Variants in TRIP12 observed in about 807,000 individuals in gnomAD.
TRIP12 encodes E3 ubiquitin-protein ligase TRIP12.
In TRIP12, 25 loss-of-function variants were observed where a neutral mutation model predicts 244.2. The ratio of observed to expected loss-of-function variants is 0.10; its 90% CI spans 0.07 to 0.14. The LOEUF (loss-of-function observed/expected upper bound fraction) is 0.14. Ranked by LOEUF, TRIP12 falls within the 10% of genes least tolerant of loss-of-function variation. TRIP12 has a pLI of 1.00. For missense variants in TRIP12, 1,677 were observed against 2,486.4 expected (o/e 0.67, Z 6.92); for synonymous variants, 905 against 873.1 (o/e 1.04, Z -0.64).
chr2:229,798,816 T>C (rs2043462959), intron 23 of TRIP12, 59 bp downstream of exon 23: 21 of 1,573,316 alleles, frequency 1.3e-5, no homozygotes, highest in Middle Eastern at 1.7e-4. Context: ...CTGGCTGAAA[T>C]AATGTTTAAG....
At chr2:229,905,401 G>A (rs955997076) in intron 1 of TRIP12, among the ~76,000 whole-genome samples, 1 of 152,142 alleles carries the variant, frequency 6.6e-6, no homozygotes, top group Non-Finnish European at 1.5e-5. Flanking sequence ...GATATATTTT[G>A]AAAGAGTCAA....
rs200298086 is a variant in TRIP12, at chr2:229,784,530, T to G, written c.5094+1227A>C. 6.1e-5 allele frequency among the ~76,000 whole-genome samples: 3 copies of G among 49,446 alleles called. No homozygotes were observed. The Admixed American group carries it at 6.7e-4, about 11-fold the overall frequency. The allele number at this position is 49,446 out of a possible 152,430, so 32.4% of individuals were successfully genotyped here. On this transcript the variant is annotated intron_variant, in intron 34 of 41. Transcript: ENST00000675903. ...ACAAACAAGAAAAAAAAAAAAAAGA[T>G]AAATGGATTTCATCAAAACTGAAAA...
At chr2:229,786,129 A>C (rs2039919179) in intron 33 of TRIP12, among the ~76,000 whole-genome samples, 1 of 152,150 alleles carries the variant, frequency 6.6e-6, no homozygotes. Flanking sequence ...GGGGAAGAAA[A>C]AAATCGTCTT....
chr2:229,801,241 A>G (rs539715798), intron 21 of TRIP12, among the ~76,000 whole-genome samples: 3 of 152,192 alleles, frequency 2.0e-5, no homozygotes, highest in Non-Finnish European at 4.4e-5. Context: ...GGTGCCAGTT[A>G]AACTCAGCAG....
chr2:229,799,620 C>CT (rs1372234508), intron 21 of TRIP12, among the ~76,000 whole-genome samples: 1 of 151,920 alleles, frequency 6.6e-6, no homozygotes, highest in African/African-American at 2.4e-5. Flanking sequence ...ACTAAAAATA[C>CT]AAAAATTAGC....
At chr2:229,865,342 AAGAAAG>A (rs1473671969) in intron 2 of TRIP12, among the ~76,000 whole-genome samples, 4,426 of 26,412 alleles carry the variant, frequency 0.17, 135 homozygotes, top group African/African-American at 0.28. Flanking sequence ...AAAAAAAAAA[AAGAAAG>A]AAAGAAAGCA....
chr2:229,886,210 A>C (rs1333437815), intron 1 of TRIP12, among the ~76,000 whole-genome samples: 2 of 152,198 alleles, frequency 1.3e-5, no homozygotes, highest in African/African-American at 4.8e-5. Context: ...GCCATATGTC[A>C]AACCTGAAAT....
chr2:229,813,178 T>C (rs531117748), intron 13 of TRIP12, among the ~76,000 whole-genome samples: 1 of 152,324 alleles, frequency 6.6e-6, no homozygotes, highest in East Asian at 1.9e-4. Flanking sequence ...GTCTCTCTTC[T>C]GGTCTTAACC....
intron 19 of TRIP12, 99 bp downstream of exon 19, chr2:229,803,899 AT>A (rs1445604935): frequency 8.9e-7 from 1 of 1,118,894 alleles, no homozygotes; most frequent in African/African-American, 1.6e-5. Context: ...CTCCTAACAA[AT>A]TTTTGTGCAT....
chr2:229,767,704 A>G lies in TRIP12; in HGVS notation c.6054T>C (p.Phe2018=), dbSNP rs1158555117. 1.2e-6 allele frequency: 2 copies of G among 1,614,064 alleles called. No homozygotes were observed. Among genetic ancestry groups the G allele is most frequent in the Admixed American group, 3.3e-5 (2 of 59,994 alleles). The change falls in exon 42 of 42, where the codon TTT becomes TTC. Residue 2018 remains phenylalanine, a synonymous_variant. Transcript: ENST00000675903. ...NPPLTIVRKT[F]ESTENPDDFL... ...AGTCATCTGGGTTTTCTGTTGATTC[A>G]AACGTCTTTCGGACAATTGTCAAAG...
chr2:229,904,572 TATTATTAAAAC>T (rs879638473), intron 1 of TRIP12, among the ~76,000 whole-genome samples: 8 of 152,168 alleles, frequency 5.3e-5, no homozygotes, highest in Admixed American at 3.9e-4. Flanking sequence ...TATGATCTGC[TATTATTAAAAC>T]AGAGGCTAGA....
At chr2:229,773,766 T>C in intron 38 of TRIP12, 1 of 198,924 alleles carries the variant, frequency 5.0e-6, no homozygotes. Context: ...TCTGTCAAGC[T>C]AGCTGCCTTG....
chr2:229,813,882 C>T lies in TRIP12; in HGVS notation c.1974G>A (p.Arg658=), dbSNP rs545535863. ...VADSLPLLTQ[R]LTHQDKKSVE... Reference sequence around the variant, plus strand: ...ATGCATATTTTACCTGATGTGTTAGCCTTTGGGTTAGCAATGGGAGTGAAT... The same window carrying T: ...ATGCATATTTTACCTGATGTGTTAGTCTTTGGGTTAGCAATGGGAGTGAAT... Residue 658 remains arginine, a synonymous_variant, in exon 13 of 42, where the codon AGG becomes AGA. Transcript: ENST00000675903. 2.6e-6 allele frequency: 4 copies of T among 1,551,054 alleles called. No individual in the cohort carries two copies. In the African/African-American group the frequency reaches 4.0e-5, roughly 16 times the overall value.
At chr2:229,898,819 G>A (rs1428982278) in intron 1 of TRIP12, among the ~76,000 whole-genome samples, 1 of 152,024 alleles carries the variant, frequency 6.6e-6, no homozygotes, top group African/African-American at 2.4e-5. Context: ...AGCCTCCCCA[G>A]TAGCTAGAAT....
At position 229,792,074 on chromosome 2, in the gene TRIP12, A is replaced by C. The variant is rs761616114; in HGVS notation, c.4216-9T>G. The C allele has an allele frequency of 6.2e-6, 10 of 1,614,092 alleles. No homozygotes were observed. Among genetic ancestry groups the C allele is most frequent in the Non-Finnish European group, 8.5e-6 (10 of 1,179,978 alleles). ...TTTAGGAACTGAGCAGCCTGAATAA[A>C]GCAAAGCAAAAGCCATTTAAGCCAA... On this transcript the variant is annotated splice_polypyrimidine_tract_variant and intron_variant, in intron 28 of 41. Coordinates refer to ENST00000675903, the MANE Select transcript of TRIP12 (RefSeq NM_001348323.3).
At chr2:229,841,785 G>T (rs1264054296) in intron 4 of TRIP12, among the ~76,000 whole-genome samples, 1 of 152,150 alleles carries the variant, frequency 6.6e-6, no homozygotes, top group African/African-American at 2.4e-5. Context: ...ATTGGTCCTG[G>T]TCACTTACTT....
intron 1 of TRIP12, among the ~76,000 whole-genome samples, chr2:229,890,665 A>G (rs1459371549): frequency 6.6e-6 from 1 of 152,218 alleles, no homozygotes; most frequent in Non-Finnish European, 1.5e-5. Flanking sequence ...ACACCTGGTG[A>G]ATAATAGTGT....
chr2:229,911,825 T>C (rs1244466233), intron 1 of TRIP12, among the ~76,000 whole-genome samples: 1 of 152,232 alleles, frequency 6.6e-6, no homozygotes, highest in East Asian at 1.9e-4. Context: ...TATTAATTTG[T>C]ACTTTTTAAA....
intron 18 of TRIP12, among the ~76,000 whole-genome samples, chr2:229,804,476 T>G (rs1164832500): frequency 6.6e-6 from 1 of 152,164 alleles, no homozygotes; most frequent in African/African-American, 2.4e-5. Flanking sequence ...AAAGTAACAA[T>G]TCATCACCGC....
Sources: allele counts gnomAD v4.1 joint callset (sites outside exome capture counted in the v4.1 genomes callset), GRCh38; gene constraint gnomAD v4.1.1; transcripts MANE v1.5; gene names NCBI Gene and HGNC (gene_info 2026-07-23, HGNC 2026-07-21).